Variants in MSN observed in about 807,000 individuals in gnomAD.
MSN encodes the protein epididymis luminal protein 70.
A neutral mutation model predicts 48.0 loss-of-function variants in MSN; 2 were observed. The observed-to-expected ratio is 0.04, with a 90% confidence interval of 0.02 to 0.13. MSN has a LOEUF of 0.13. Ranked by LOEUF, MSN falls within the 10% of genes least tolerant of loss-of-function variation. The pLI is 1.00. For missense variants in MSN, 267 were observed against 470.1 expected, an observed-to-expected ratio of 0.57 and a Z score of 3.99; for synonymous variants, 146 against 166.9, an observed-to-expected ratio of 0.87 and a Z score of 0.97.
intron 1 of MSN, among the ~76,000 whole-genome samples, chrX:65,620,138 G>T (rs1334276106): frequency 4.2e-4 from 47 of 112,631 alleles, no homozygotes; most frequent in Non-Finnish European, 1.1e-4. Context: ...ATTTAAGTCT[G>T]CAGAGGTTAC....
intron 1 of MSN, among the ~76,000 whole-genome samples, chrX:65,694,489 C>T (rs936579931): frequency 1.2e-4 from 13 of 110,269 alleles, no homozygotes; most frequent in African/African-American, 2.0e-4. Context: ...CCACCACGCC[C>T]GGCTAATTTT....
intron 1 of MSN, among the ~76,000 whole-genome samples, chrX:65,615,274 C>T (rs1189373587): frequency 7.4e-5 from 8 of 108,255 alleles, no homozygotes; most frequent in Non-Finnish European, 1.5e-4. Context: ...CCTGAGGAAT[C>T]GCCACACTGA....
chrX:65,671,967 C>G (rs762785893), intron 1 of MSN, among the ~76,000 whole-genome samples: 80 of 112,347 alleles, frequency 7.1e-4, no homozygotes, highest in African/African-American at 2.4e-3. Flanking sequence ...TCCCATGAAA[C>G]TACTTTACCG....
At chrX:65,610,937 GTGTTAAGCATATTCACAT>G (rs2070314417) in intron 1 of MSN, among the ~76,000 whole-genome samples, 1 of 111,641 alleles carries the variant, frequency 9.0e-6, no homozygotes, top group Non-Finnish European at 1.9e-5. Flanking sequence ...CAATTCTGTA[GTGTTAAGCATATTCACAT>G]TGTTATATAA....
intron 1 of MSN, among the ~76,000 whole-genome samples, chrX:65,610,458 A>C (rs1031834202): frequency 5.3e-5 from 6 of 112,639 alleles, no homozygotes; most frequent in Non-Finnish European, 1.1e-4. Flanking sequence ...CAAATGAATA[A>C]TATTCCATTG....
chrX:65,703,772 G>A (rs1171179983), intron 1 of MSN, among the ~76,000 whole-genome samples: 1 of 111,387 alleles, frequency 9.0e-6, no homozygotes, highest in East Asian at 2.8e-4. Context: ...ACAGAATTTC[G>A]CCATTTTGCC....
intron 1 of MSN, among the ~76,000 whole-genome samples, chrX:65,671,922 T>C (rs887932440): frequency 9.8e-5 from 11 of 112,138 alleles, no homozygotes; most frequent in African/African-American, 3.2e-4. Context: ...TAGCTTGTTT[T>C]AGGGTGTTGT....
intron 1 of MSN, among the ~76,000 whole-genome samples, chrX:65,623,263 G>A (rs1460002386): frequency 9.2e-6 from 1 of 108,111 alleles, no homozygotes; most frequent in Non-Finnish European, 1.9e-5. Flanking sequence ...GGTTAATTCT[G>A]TCCTCAAAGA....
At chrX:65,717,106 T>A (rs1481343915) in intron 2 of MSN, among the ~76,000 whole-genome samples, 1 of 111,975 alleles carries the variant, frequency 8.9e-6, no homozygotes, top group Non-Finnish European at 1.9e-5. Flanking sequence ...CTGATTAATT[T>A]TATCTTTGGT....
chrX:65,703,667 C>A (rs772464563), intron 1 of MSN, among the ~76,000 whole-genome samples: 1 of 111,891 alleles, frequency 8.9e-6, no homozygotes, highest in Non-Finnish European at 1.9e-5. Context: ...TTGAAGCAAG[C>A]GATTCTCATG....
upstream of MSN, among the ~76,000 whole-genome samples, chrX:65,666,926 CATCAGAAAGTGA>C (rs1255836851): frequency 9.0e-6 from 1 of 111,497 alleles, no homozygotes; most frequent in African/African-American, 3.3e-5. Context: ...CCCATCAGGA[CATCAGAAAGTGA>C]ATGTACTGGG....
At chrX:65,625,973 G>GTTTTTTTTTTTTTTTTTTTTTTT (rs2070501105) in intron 1 of MSN, 1 of 12,458 alleles carries the variant, frequency 8.0e-5, no homozygotes. Flanking sequence ...TTTTTTTTTT[G>GTTTTTTTTTTTTTTTTTTTTTTT]AGATTTAGTC....
At chrX:65,592,189 T>A (rs950669601) in intron 1 of MSN, among the ~76,000 whole-genome samples, 8 of 98,529 alleles carry the variant, frequency 8.1e-5, no homozygotes, top group Non-Finnish European at 1.6e-4. Flanking sequence ...ATCCTCTTCA[T>A]CCCTTTTTTT....
At chrX:65,592,237 C>T (rs1262166980) in intron 1 of MSN, among the ~76,000 whole-genome samples, 3 of 88,391 alleles carry the variant, frequency 3.4e-5, no homozygotes, top group East Asian at 3.7e-4. Flanking sequence ...CGCTCTGTTT[C>T]CAGGCTGGAG....
At chrX:65,619,966 C>T (rs1350516680) in intron 1 of MSN, among the ~76,000 whole-genome samples, 2 of 110,798 alleles carry the variant, frequency 1.8e-5, no homozygotes, top group African/African-American at 6.7e-5. Flanking sequence ...AGTACCCGGC[C>T]GTGTGAGGTG....
intron 1 of MSN, among the ~76,000 whole-genome samples, chrX:65,639,892 G>A (rs778725346): frequency 8.9e-6 from 1 of 111,786 alleles, no homozygotes; most frequent in African/African-American, 3.2e-5. Context: ...CTGTTTGCCA[G>A]CTACTTTCTC....
chrX:65,673,556 G>T (rs1053407540), intron 1 of MSN, among the ~76,000 whole-genome samples: 1 of 110,286 alleles, frequency 9.1e-6, no homozygotes, highest in Admixed American at 9.7e-5. Flanking sequence ...CCGGGTTCAA[G>T]CGATTCTCCT....
intron 1 of MSN, among the ~76,000 whole-genome samples, chrX:65,624,164 C>T (rs966963023): frequency 9.1e-5 from 10 of 109,801 alleles, no homozygotes; most frequent in African/African-American, 2.7e-4. Flanking sequence ...CTGCAACCTC[C>T]GCCTCCCGGG....
chrX:65,638,275 A>G (rs1231108517), intron 1 of MSN, among the ~76,000 whole-genome samples: 1 of 111,799 alleles, frequency 8.9e-6, no homozygotes, highest in Non-Finnish European at 1.9e-5. Context: ...AATTCCTCTC[A>G]CTGTGATCTA....
Sources: gnomAD v4.1 joint callset for allele counts (sites outside exome capture counted in the v4.1 genomes callset) on GRCh38, gnomAD v4.1.1 for gene constraint, MANE v1.5 for transcripts, NCBI Gene and HGNC (gene_info 2026-07-23, HGNC 2026-07-21) for gene names.